The following NKAIN2 variants were observed in gnomAD, a reference collection of about 807,000 sequenced individuals.
NKAIN2 encodes the protein sodium/potassium-transporting ATPase subunit beta-1-interacting protein 2.
NKAIN2 carries 14 observed loss-of-function variants against 32.6 expected under a neutral mutation model. That is an observed-to-expected ratio of 0.43 (90% CI 0.28 to 0.67). The LOEUF is 0.67. NKAIN2 is among the 30% of genes least tolerant of loss of function. NKAIN2 has a pLI of 0.17. For missense variants in NKAIN2, 198 were observed against 258.3 expected (o/e 0.77, Z 1.60); for synonymous variants, 80 against 87.2 (o/e 0.92, Z 0.46).
intron 4 of NKAIN2, among the ~76,000 whole-genome samples, chr6:124,724,453 T>G (rs1776177824): frequency 6.6e-6 from 1 of 152,222 alleles, no homozygotes; most frequent in South Asian, 2.1e-4. Flanking sequence ...ATTAAAGTGA[T>G]TTCTCCTACT....
intron 3 of NKAIN2, among the ~76,000 whole-genome samples, chr6:124,398,835 A>G (rs1223530665): frequency 1.3e-5 from 2 of 152,216 alleles, no homozygotes; most frequent in South Asian, 2.1e-4. Flanking sequence ...GAGACTAAGT[A>G]TATACTCCAG....
chr6:124,370,823 C>A (rs1799727694), intron 3 of NKAIN2, among the ~76,000 whole-genome samples: 1 of 152,022 alleles, frequency 6.6e-6, no homozygotes, highest in Non-Finnish European at 1.5e-5. Context: ...AGATCTGTAG[C>A]TATATAGGCA....
chr6:123,903,227 C>A (rs1048322941), intron 1 of NKAIN2, among the ~76,000 whole-genome samples: 1 of 152,056 alleles, frequency 6.6e-6, no homozygotes, highest in Non-Finnish European at 1.5e-5. Context: ...TCCTAATTGT[C>A]GCTTTTATTT....
At chr6:123,977,246 T>C (rs1322588987) in intron 1 of NKAIN2, among the ~76,000 whole-genome samples, 1 of 152,138 alleles carries the variant, frequency 6.6e-6, no homozygotes, top group Non-Finnish European at 1.5e-5. Context: ...TATACTAAGC[T>C]CTCTGTTAGT....
intron 4 of NKAIN2, among the ~76,000 whole-genome samples, chr6:124,773,576 T>A (rs1436736926): frequency 2.0e-5 from 3 of 151,994 alleles, no homozygotes; most frequent in Admixed American, 2.0e-4. Flanking sequence ...TTTGGGAGAA[T>A]TTTTCTAAGT....
intron 3 of NKAIN2, among the ~76,000 whole-genome samples, chr6:124,397,435 A>G (rs1022023590): frequency 6.6e-6 from 1 of 152,084 alleles, no homozygotes; most frequent in African/African-American, 2.4e-5. Flanking sequence ...AATTGTGTAC[A>G]TTCACTGTGT....
intron 1 of NKAIN2, among the ~76,000 whole-genome samples, chr6:124,116,037 A>G (rs1178973079): frequency 1.3e-5 from 2 of 152,058 alleles, no homozygotes; most frequent in Non-Finnish European, 2.9e-5. Flanking sequence ...TAGTTAGAAG[A>G]TAGCTAATGC....
intron 1 of NKAIN2, among the ~76,000 whole-genome samples, chr6:123,963,197 T>C (rs1777928485): frequency 1.3e-5 from 2 of 152,206 alleles, no homozygotes; most frequent in Admixed American, 6.5e-5. Context: ...ACCCATTCTT[T>C]AGGCTGCCTT....
intron 2 of NKAIN2, among the ~76,000 whole-genome samples, chr6:124,284,564 T>C (rs2114926259): frequency 6.6e-6 from 1 of 152,212 alleles, no homozygotes; most frequent in Admixed American, 6.5e-5. Context: ...AAATAATGGT[T>C]GCTCTGAATA....
chr6:124,530,795 T>A (rs910284741), intron 3 of NKAIN2, among the ~76,000 whole-genome samples: 3 of 152,106 alleles, frequency 2.0e-5, no homozygotes, highest in Admixed American at 6.5e-5. Flanking sequence ...CAGGTCGCTG[T>A]TATAATTTTT....
intron 1 of NKAIN2, among the ~76,000 whole-genome samples, chr6:124,093,548 G>A (rs551658519): frequency 1.3e-5 from 2 of 152,192 alleles, no homozygotes; most frequent in South Asian, 4.1e-4. Flanking sequence ...AAGACAGTTT[G>A]GAGTAATCCT....
chr6:124,337,014 CTAA>C (rs1374454261), intron 2 of NKAIN2, among the ~76,000 whole-genome samples: 1 of 151,884 alleles, frequency 6.6e-6, no homozygotes, highest in Non-Finnish European at 1.5e-5. Context: ...AATTATGATA[CTAA>C]TAGATTGGAA....
At chr6:124,494,151 A>G (rs576793880) in intron 3 of NKAIN2, among the ~76,000 whole-genome samples, 19 of 152,200 alleles carry the variant, frequency 1.2e-4, no homozygotes, top group African/African-American at 4.6e-4. Flanking sequence ...ATCGTATTGC[A>G]TGGCTTAGGT....
chr6:123,997,020 T>G (rs1020000758), intron 1 of NKAIN2, among the ~76,000 whole-genome samples: 1 of 152,230 alleles, frequency 6.6e-6, no homozygotes, highest in Non-Finnish European at 1.5e-5. Context: ...ATTTTGTCCT[T>G]AAAATAATAT....
intron 3 of NKAIN2, among the ~76,000 whole-genome samples, chr6:124,408,525 C>T (rs1424234505): frequency 6.6e-6 from 1 of 152,236 alleles, no homozygotes; most frequent in Non-Finnish European, 1.5e-5. Context: ...GGCATTATTT[C>T]TGAGGGCTCT....
At chr6:124,059,323 G>A (rs368981041) in intron 1 of NKAIN2, among the ~76,000 whole-genome samples, 1 of 152,036 alleles carries the variant, frequency 6.6e-6, no homozygotes, top group East Asian at 1.9e-4. Flanking sequence ...GTTCGGTTAT[G>A]CTATAGTCAC....
chr6:124,667,429 C>T (rs781472), intron 4 of NKAIN2, among the ~76,000 whole-genome samples: 148,063 of 152,230 alleles, frequency 0.97, 72,130 homozygotes, highest in East Asian at 1. Flanking sequence ...AAGTGAAGTA[C>T]ATTAAATTAT....
At chr6:124,705,089 A>G (rs1258944656) in intron 4 of NKAIN2, among the ~76,000 whole-genome samples, 3 of 152,116 alleles carry the variant, frequency 2.0e-5, no homozygotes, top group African/African-American at 7.2e-5. Flanking sequence ...TGGCTTGGAA[A>G]GAAACTAGAT....
intron 1 of NKAIN2, among the ~76,000 whole-genome samples, chr6:123,814,375 A>T (rs992112104): frequency 6.6e-6 from 1 of 152,170 alleles, no homozygotes. Context: ...TTTTTAGTTT[A>T]CCATTTTATA....
Sources: gnomAD v4.1 joint callset for allele counts (sites outside exome capture counted in the v4.1 genomes callset) on GRCh38, gnomAD v4.1.1 for gene constraint, MANE v1.5 for transcripts, NCBI Gene and HGNC (gene_info 2026-07-23, HGNC 2026-07-21) for gene names.